HID1: variants seen among roughly 807,000 people sequenced by gnomAD.
HID1 encodes the protein protein HID1.
Under a neutral mutation model 89.7 loss-of-function variants are expected in HID1, and 42 were observed. The observed-to-expected ratio is 0.47, with a 90% CI of 0.37 to 0.61. The LOEUF (loss-of-function observed/expected upper bound fraction) is 0.61. HID1 is among the 20% of genes least tolerant of loss of function. The pLI is 0.00. For synonymous variants in HID1, 442 were observed against 433.8 expected (o/e 1.02, Z -0.24); for missense variants, 854 against 1,039.3 (o/e 0.82, Z 2.45).
rs770573917 is a variant in HID1, at chr17:74,958,255, C to T, written c.1393-36G>A. 7 of 1,607,724 alleles carry T rather than the reference C, an allele frequency of 4.4e-6. No homozygotes were observed. Among genetic ancestry groups the T allele is most frequent in the Middle Eastern group, 3.3e-4 (2 of 6,046 alleles). On this transcript the variant is annotated intron_variant, in intron 11 of 18. Transcript: ENST00000425042. The surrounding 1 kb of genome is among the most constrained non-coding windows in gnomAD (Gnocchi z 5.2). ...AGGGACAGAGGCACCGTGGGGTCCC[C>T]GCTGCCTCCAGACTCAGCCAAGAGG...
In HID1 at chr17:74,950,918, C is replaced by T. The variant is rs1346833651; in HGVS notation, c.*652G>A. The T allele has an allele frequency of 6.6e-6, 1 of 152,332 alleles. No homozygotes were observed. Among genetic ancestry groups the T allele is most frequent in the East Asian group, 1.9e-4 (1 of 5,190 alleles). 9.4% of individuals were successfully genotyped at this position (152,332 alleles called of 1,614,324 possible). A position where few individuals can be genotyped will look rare whatever the true frequency, so the allele number is the denominator to read the frequency against. The stretch of plus-strand genomic sequence containing the variant: ...GGACTAAACGGCTGCCTCCCAGTTC[C>T]CTTCCCTGCCCCTCATTACTGGGTA... On this transcript the variant is annotated 3_prime_UTR_variant, in exon 19 of 19. Transcript: ENST00000425042.
At chr17:74,968,873 A>G (rs1479961337) in intron 1 of HID1, among the ~76,000 whole-genome samples, 1 of 152,238 alleles carries the variant, frequency 6.6e-6, no homozygotes, top group Non-Finnish European at 1.5e-5. Flanking sequence ...CCGGGGGACT[A>G]AATCCAAAAT....
chr17:74,955,123 CGTGCCCTGGTCACAGGGCTAACGA>C (rs2144802495), intron 13 of HID1, among the ~76,000 whole-genome samples: 1 of 152,292 alleles, frequency 6.6e-6, no homozygotes, highest in Non-Finnish European at 1.5e-5. Context: ...GGTCAAGTGA[CGTGCCCTGGTCACAGGGCTAACGA>C]GTGGCAAGGC....
chr17:74,957,736 C>A (rs1298203979), intron 12 of HID1, among the ~76,000 whole-genome samples: 1 of 151,672 alleles, frequency 6.6e-6, no homozygotes, highest in Non-Finnish European at 1.5e-5. Flanking sequence ...CCCGTCTCTA[C>A]TAAAGATACA....
At chr17:74,966,762 C>T (rs2039569792) in intron 1 of HID1, among the ~76,000 whole-genome samples, 3 of 151,792 alleles carry the variant, frequency 2.0e-5, no homozygotes, top group Non-Finnish European at 4.4e-5. Context: ...CCAGCCTGGG[C>T]AACATGGCTT....
At position 74,963,832 on chromosome 17, in the gene HID1, G is replaced by A. The variant is rs775365525; in HGVS notation, c.295C>T (p.Arg99Trp). The A allele has an allele frequency of 7.7e-5, 125 of 1,613,932 alleles. No homozygotes were observed. The highest frequency in any genetic ancestry group is 9.9e-5 in the Non-Finnish European group (117 of 1,179,998). ...KEKQIVLNCS[R>W]LLTRVLPYIF... ...TAGGGCAGCACGCGGGTGAGCAGCCGGCTGCAGTTCAGGACGATCTGCTTC... is the reference window on the plus strand; with the variant it reads ...TAGGGCAGCACGCGGGTGAGCAGCCAGCTGCAGTTCAGGACGATCTGCTTC... The change falls in exon 3 of 19, where the codon CGG becomes TGG. Residue 99 changes from arginine to tryptophan, a missense_variant. Transcript: ENST00000425042.
chr17:74,971,601 G>A (rs911113749), intron 1 of HID1, among the ~76,000 whole-genome samples: 1 of 152,174 alleles, frequency 6.6e-6, no homozygotes, highest in Non-Finnish European at 1.5e-5. Context: ...GGAGGTGGGG[G>A]GGCCAGGAAA....
At chr17:74,964,700 G>A (rs1350160170) in intron 1 of HID1, 68 bp from the exon 2 acceptor site, 31 of 1,506,392 alleles carry the variant, frequency 2.1e-5, no homozygotes, top group Non-Finnish European at 2.7e-5. Flanking sequence ...TGCCCAACTT[G>A]TGGCCAGGAG....
At position 74,960,258 on chromosome 17, in the gene HID1, G is replaced by A; in HGVS notation, c.729-10C>T. The A allele has an allele frequency of 6.2e-7, 1 of 1,602,128 alleles. No individual in the cohort carries two copies. The highest frequency in any genetic ancestry group is 1.1e-5 in the South Asian group (1 of 90,698). ...GAGGGGCAGGGCATGTCTGCAGCAG[G>A]AGAGGGACAAGGCTGCAGAGGCTGC... On this transcript the variant is annotated splice_polypyrimidine_tract_variant and intron_variant, in intron 6 of 18. Coordinates refer to ENST00000425042, the MANE Select transcript of HID1 (RefSeq NM_030630.3).
intron 1 of HID1, among the ~76,000 whole-genome samples, chr17:74,967,589 C>T (rs550368067): frequency 2.0e-5 from 3 of 152,214 alleles, no homozygotes; most frequent in East Asian, 1.9e-4. Flanking sequence ...GTGGCTCACA[C>T]CTGTGATCCC....
At chr17:74,965,863 G>C (rs938224996) in intron 1 of HID1, among the ~76,000 whole-genome samples, 1 of 151,802 alleles carries the variant, frequency 6.6e-6, no homozygotes, top group Non-Finnish European at 1.5e-5. Flanking sequence ...GTTGCAGTGA[G>C]CCAAGATCAT....
At chr17:74,963,975 T>A (rs1181877107) in intron 2 of HID1, 65 bp from the exon 3 acceptor site, 3 of 1,559,054 alleles carry the variant, frequency 1.9e-6, no homozygotes, top group Non-Finnish European at 1.8e-6. Context: ...GCACTTGGGG[T>A]CAGGGTGGGC....
At chr17:74,963,157 G>A in intron 3 of HID1, 76 bp from the exon 4 acceptor site, 1 of 1,085,290 alleles carries the variant, frequency 9.2e-7, no homozygotes, top group Non-Finnish European at 1.3e-6. Context: ...GGGGGTGGTG[G>A]AGGACAGGGG....
At position 74,951,641 on chromosome 17, in the gene HID1, G is replaced by T; in HGVS notation, c.2304-8C>A. On this transcript the variant is annotated splice_polypyrimidine_tract_variant and splice_region_variant and intron_variant, in intron 18 of 18. Coordinates refer to ENST00000425042, the MANE Select transcript of HID1 (RefSeq NM_030630.3). ...ACAGGGGGGTCCACATTCCTGTGGAGGAAATGGGGGGTTACCCAGGTGCTG... is the reference window on the plus strand; with the variant it reads ...ACAGGGGGGTCCACATTCCTGTGGATGAAATGGGGGGTTACCCAGGTGCTG... 6.2e-7 allele frequency: 1 copy of T among 1,611,096 alleles called. No homozygotes were observed. Among genetic ancestry groups the T allele is most frequent in the Admixed American group, 1.7e-5 (1 of 59,544 alleles).
At chr17:74,965,005 G>C (rs1293291288) in intron 1 of HID1, among the ~76,000 whole-genome samples, 1 of 152,258 alleles carries the variant, frequency 6.6e-6, no homozygotes, top group East Asian at 1.9e-4. Context: ...CAGGGATCCA[G>C]GTCAAGACCA....
intron 1 of HID1, among the ~76,000 whole-genome samples, chr17:74,966,658 A>G (rs1025457108): frequency 5.3e-5 from 8 of 152,160 alleles, no homozygotes; most frequent in Non-Finnish European, 7.3e-5. Context: ...TTATTTAAAA[A>G]TAATTCTGGG....
rs746306184 is a variant in HID1, at chr17:74,962,942, G to A, written c.504+23C>T. 2 of 1,551,514 alleles carry A rather than the reference G, an allele frequency of 1.3e-6. No homozygotes were observed. The highest frequency in any genetic ancestry group is 1.1e-5 in the South Asian group (1 of 89,006). ...GGACCAGAGCCTACTCCGCCTGGGG[G>A]TGGGGGGCTGGGGGACACTCACCAC... On this transcript the variant is annotated intron_variant, in intron 4 of 18. Coordinates refer to ENST00000425042, the MANE Select transcript of HID1 (RefSeq NM_030630.3). The surrounding 1 kb of genome is among the most constrained non-coding windows in gnomAD (Gnocchi z 4.3).
rs1200954407 is a variant in HID1, at chr17:74,959,844, C to T, written c.1008+37G>A. On this transcript the variant is annotated intron_variant, in intron 8 of 18. Transcript: ENST00000425042. This position sits in a 1 kb window ranked among gnomAD's most constrained non-coding sequence, Gnocchi z 4.6. ...ATATCCCTGTCTCACTTGCATCCCC[C>T]TGCACCCTGCAAAGCCACTGTGGGG... is the stretch of plus-strand genomic sequence containing the variant. 1 of 1,609,462 alleles carries T rather than the reference C, an allele frequency of 6.2e-7. No homozygotes were observed. The highest frequency in any genetic ancestry group is 1.7e-5 in the Admixed American group (1 of 60,006).
Position 74,963,922 on chromosome 17 carries a change from G to A in HID1, c.217-12C>T. The A allele has an allele frequency of 3.7e-6, 6 of 1,613,592 alleles. No homozygotes were observed. The highest frequency in any genetic ancestry group is 1.1e-5 in the South Asian group (1 of 91,072). ...AGCTTCTCAACGGCCTGTGGGGGCA[G>A]GCAGGAGCAGAGGGCAGGCTGGAAG... On this transcript the variant is annotated splice_polypyrimidine_tract_variant and intron_variant, in intron 2 of 18. Coordinates refer to ENST00000425042, the MANE Select transcript of HID1 (RefSeq NM_030630.3).
Sources: allele counts gnomAD v4.1 joint callset (sites outside exome capture counted in the v4.1 genomes callset), GRCh38; gene constraint gnomAD v4.1.1; non-coding constraint Gnocchi (gnomAD v3.1); transcripts MANE v1.5; gene names NCBI Gene and HGNC (gene_info 2026-07-23, HGNC 2026-07-21).